ROBO2: variants seen among roughly 807,000 people sequenced by gnomAD.
The protein encoded by ROBO2 is roundabout homolog 2.
ROBO2 carries 53 observed loss-of-function variants against 160.8 expected under a neutral mutation model. That is an observed-to-expected ratio of 0.33 (90% CI 0.26 to 0.41). The LOEUF is 0.41. Among genes scored for constraint, ROBO2 ranks in the 10% least tolerant of loss-of-function variants. ROBO2 has a pLI of 1.00. For missense variants in ROBO2, 1,577 were observed against 1,722.4 expected, an observed-to-expected ratio of 0.92 and a Z score of 1.49; for synonymous variants, 664 against 611.7, an observed-to-expected ratio of 1.09 and a Z score of -1.26.
intron 2 of ROBO2, among the ~76,000 whole-genome samples, chr3:76,876,286 G>A (rs1419061725): frequency 6.6e-6 from 1 of 152,130 alleles, no homozygotes; most frequent in African/African-American, 2.4e-5. Flanking sequence ...AAGAGTAATG[G>A]AAGTTTTATA....
At chr3:77,383,421 A>G (rs2073764748) in intron 2 of ROBO2, among the ~76,000 whole-genome samples, 1 of 152,018 alleles carries the variant, frequency 6.6e-6, no homozygotes, top group African/African-American at 2.4e-5. Flanking sequence ...ATTAATTAAA[A>G]TATTTATTTT....
chr3:77,295,340 CAA>C (rs2061939693), intron 2 of ROBO2, among the ~76,000 whole-genome samples: 1 of 149,174 alleles, frequency 6.7e-6, no homozygotes, highest in African/African-American at 2.5e-5. Context: ...GCTAGATCAC[CAA>C]AGACATAAAG....
At chr3:76,425,472 A>T (rs2076175134) in intron 2 of ROBO2, among the ~76,000 whole-genome samples, 1 of 150,116 alleles carries the variant, frequency 6.7e-6, no homozygotes, top group African/African-American at 2.4e-5. Context: ...AACTTTGAAG[A>T]TCCATGATGC....
chr3:77,451,449 C>G (rs890549741), intron 2 of ROBO2, among the ~76,000 whole-genome samples: 2 of 151,984 alleles, frequency 1.3e-5, no homozygotes, highest in Non-Finnish European at 2.9e-5. Context: ...GCTTAATGTC[C>G]TCATGAGAAG....
chr3:76,167,740 ACTTT>A (rs1215443737), intron 2 of ROBO2, among the ~76,000 whole-genome samples: 1 of 152,130 alleles, frequency 6.6e-6, no homozygotes, highest in African/African-American at 2.4e-5. Flanking sequence ...GAACAAGTTG[ACTTT>A]CTTTACATAT....
intron 15 of ROBO2, 37 bp downstream of exon 16, chr3:77,577,651 A>G (rs1298919194): frequency 6.2e-7 from 1 of 1,611,440 alleles, no homozygotes; most frequent in African/African-American, 1.3e-5. Context: ...TCTCATGTAA[A>G]GGTTCCCAGA....
intron 2 of ROBO2, among the ~76,000 whole-genome samples, chr3:76,468,958 C>A (rs1386161606): frequency 6.6e-6 from 1 of 152,166 alleles, no homozygotes; most frequent in South Asian, 2.1e-4. Flanking sequence ...TAAAGGGGAT[C>A]TCTGACTCAT....
chr3:76,667,863 G>A (rs11720712), intron 2 of ROBO2, among the ~76,000 whole-genome samples: 8 of 151,734 alleles, frequency 5.3e-5, no homozygotes, highest in African/African-American at 1.5e-4. Flanking sequence ...ATATTCTACA[G>A]CATGATTTAA....
intron 2 of ROBO2, among the ~76,000 whole-genome samples, chr3:76,920,803 T>A (rs955136447): frequency 2.0e-5 from 3 of 152,218 alleles, no homozygotes. Context: ...ACAAAATATA[T>A]TTTCAAGACA....
chr3:76,225,822 A>G (rs762922273), intron 2 of ROBO2, among the ~76,000 whole-genome samples: 13 of 152,232 alleles, frequency 8.5e-5, no homozygotes, highest in Non-Finnish European at 1.9e-4. Flanking sequence ...GCCTGAAACT[A>G]TCAGTTTTTT....
chr3:77,338,113 C>G (rs573632631), intron 2 of ROBO2, among the ~76,000 whole-genome samples: 22 of 152,102 alleles, frequency 1.4e-4, no homozygotes, highest in African/African-American at 5.3e-4. Flanking sequence ...TTTTAGAAAA[C>G]AGACATCAGA....
At chr3:76,812,356 A>C (rs537128585) in intron 2 of ROBO2, among the ~76,000 whole-genome samples, 23 of 151,476 alleles carry the variant, frequency 1.5e-4, no homozygotes, top group Middle Eastern at 3.4e-3. Context: ...AAAAAAAAAA[A>C]AAAAAAACGT....
intron 2 of ROBO2, among the ~76,000 whole-genome samples, chr3:77,410,647 TCTCCTCCTCTTCTTC>T (rs2076680264): frequency 5.2e-5 from 1 of 19,174 alleles, no homozygotes; most frequent in Non-Finnish European, 1.0e-4. Flanking sequence ...TGCTCCTCTT[TCTCCTCCTCTTCTTC>T]CTCCTCCTCT....
intron 2 of ROBO2, among the ~76,000 whole-genome samples, chr3:76,261,421 A>C (rs905473321): frequency 1.3e-5 from 2 of 151,970 alleles, no homozygotes; most frequent in African/African-American, 4.8e-5. Context: ...TCCTTCAGAT[A>C]ATACTATGTG....
chr3:76,105,509 A>G (rs922018562), intron 2 of ROBO2, among the ~76,000 whole-genome samples: 11 of 152,188 alleles, frequency 7.2e-5, no homozygotes, highest in African/African-American at 2.2e-4. Context: ...ATATTTCTTC[A>G]TTGTTGGAAT....
At chr3:77,084,548 C>A (rs536254451) in intron 1 of ROBO2, among the ~76,000 whole-genome samples, 1 of 152,142 alleles carries the variant, frequency 6.6e-6, no homozygotes, top group South Asian at 2.1e-4. Flanking sequence ...TTCTGTGTTC[C>A]ACTCTTGTGC....
At chr3:77,250,988 G>T (rs4684033) in intron 2 of ROBO2, among the ~76,000 whole-genome samples, 2 of 151,984 alleles carry the variant, frequency 1.3e-5, no homozygotes, top group Non-Finnish European at 1.5e-5. Flanking sequence ...TTTCACCCCT[G>T]GCTCTCCAGG....
At chr3:76,655,372 AAAC>A (rs1236669003) in intron 2 of ROBO2, among the ~76,000 whole-genome samples, 1 of 145,950 alleles carries the variant, frequency 6.9e-6, no homozygotes, top group Non-Finnish European at 1.5e-5. Context: ...ATATTTATAA[AAAC>A]AAATTTCAAA....
chr3:75,949,304 A>C (rs936489880), intron 2 of ROBO2, among the ~76,000 whole-genome samples: 5 of 151,862 alleles, frequency 3.3e-5, no homozygotes, highest in Admixed American at 3.3e-4. Flanking sequence ...GATTCTTTCA[A>C]TTTAGAAGTT....
Sources: allele counts gnomAD v4.1 joint callset (sites outside exome capture counted in the v4.1 genomes callset), GRCh38; gene constraint gnomAD v4.1.1; transcripts MANE v1.5; gene names NCBI Gene and HGNC (gene_info 2026-07-23, HGNC 2026-07-21).